Variants in PECR observed in about 807,000 individuals in gnomAD.
PECR encodes peroxisomal trans-2-enoyl-CoA reductase.
PECR carries 30 observed loss-of-function variants against 35.3 expected under a neutral mutation model. The observed-to-expected ratio is 0.85, with a 90% CI of 0.64 to 1.15. The LOEUF (loss-of-function observed/expected upper bound fraction) is 1.15, where lower values mean the gene tolerates loss of function less well. Ranked by LOEUF, PECR falls within the 50% of genes most tolerant of loss-of-function variation. PECR has a pLI of 0.00. For missense variants in PECR, 392 were observed against 370.8 expected (o/e 1.06, Z -0.47); for synonymous variants, 148 against 138.9 (o/e 1.07, Z -0.46).
intron 7 of PECR, among the ~76,000 whole-genome samples, chr2:216,043,365 C>T (rs1202050574): frequency 1.3e-5 from 2 of 152,108 alleles, no homozygotes; most frequent in Non-Finnish European, 2.9e-5. Context: ...TTGCCTCAGC[C>T]TCCCAAAGTG....
At chr2:216,031,273 G>C (rs902795854) in intron 7 of PECR, among the ~76,000 whole-genome samples, 6 of 151,970 alleles carry the variant, frequency 3.9e-5, no homozygotes, top group Admixed American at 6.6e-5. Context: ...TGGGCATGGT[G>C]GTGGGCGCCT....
intron 7 of PECR, among the ~76,000 whole-genome samples, chr2:216,043,507 C>T (rs577256459): frequency 6.0e-4 from 92 of 152,212 alleles, no homozygotes; most frequent in South Asian, 2.7e-3. Context: ...AGCACCATAG[C>T]ACCCCACCCC....
chr2:216,032,999 T>C (rs1407353428), intron 7 of PECR: 1 of 152,242 alleles, frequency 6.6e-6, no homozygotes, highest in East Asian at 1.9e-4. Flanking sequence ...CCACAATTAT[T>C]TGAATACAAA....
chr2:216,037,187 TGACAG>T (rs1367861318), downstream of PECR, among the ~76,000 whole-genome samples: 1 of 152,258 alleles, frequency 6.6e-6, no homozygotes, highest in Non-Finnish European at 1.5e-5. Flanking sequence ...AGTACATTAT[TGACAG>T]GATACTATTA....
intron 1 of PECR, among the ~76,000 whole-genome samples, chr2:216,075,389 C>T (rs1695678515): frequency 6.6e-6 from 1 of 152,130 alleles, no homozygotes; most frequent in South Asian, 2.1e-4. Flanking sequence ...CGTGTGTATA[C>T]ATGTGCACAT....
intron 1 of PECR, among the ~76,000 whole-genome samples, chr2:216,073,805 T>C (rs1313749786): frequency 2.0e-5 from 3 of 152,184 alleles, no homozygotes; most frequent in Non-Finnish European, 4.4e-5. Flanking sequence ...CTATTGACCA[T>C]ATAAACCATG....
rs186891043 is a variant in PECR at position 216,046,039 on chromosome 2, T to C, written c.715-2024A>G. On this transcript the variant is annotated intron_variant, in intron 6 of 7. Coordinates refer to ENST00000265322, the MANE Select transcript of PECR (RefSeq NM_018441.6). The stretch of plus-strand genomic sequence containing the variant: ...TAAAAATACAAAAATTAGCTGGGCA[T>C]GCTGGTGCATGACTGTTAATCCCAG... Among the ~76,000 whole-genome samples the C allele has an allele frequency of 6.1e-3, 929 of 151,264 alleles. 13 individuals carry two copies. Among genetic ancestry groups the C allele is most frequent in the African/African-American group, 0.021 (881 of 41,192 alleles).
intron 3 of PECR, among the ~76,000 whole-genome samples, chr2:216,061,616 C>T (rs1322008317): frequency 6.6e-6 from 1 of 151,826 alleles, no homozygotes; most frequent in African/African-American, 2.4e-5. Context: ...AATATAATCA[C>T]CACAAAACAA....
At chr2:216,046,310 A>ATATATATATATATTTT (rs1553560626) in intron 6 of PECR, among the ~76,000 whole-genome samples, 1 of 96,960 alleles carries the variant, frequency 1.0e-5, no homozygotes, top group African/African-American at 4.6e-5. Context: ...ATATATATAT[A>ATATATATATATATTTT]TTTTTTTTTT....
chr2:216,048,017 T>G (rs1302105598), intron 6 of PECR, among the ~76,000 whole-genome samples: 1 of 151,446 alleles, frequency 6.6e-6, no homozygotes, highest in Non-Finnish European at 1.5e-5. Flanking sequence ...GTAAGTTTAC[T>G]ACTAGTTATT....
At chr2:216,069,891 G>A (rs565859923) in intron 1 of PECR, among the ~76,000 whole-genome samples, 1 of 149,378 alleles carries the variant, frequency 6.7e-6, no homozygotes, top group South Asian at 2.1e-4. Context: ...AGCTGAGATC[G>A]TGCCATTGCA....
intron 7 of PECR, among the ~76,000 whole-genome samples, chr2:216,030,392 G>A (rs1694661756): frequency 6.6e-6 from 1 of 152,144 alleles, no homozygotes; most frequent in Non-Finnish European, 1.5e-5. Flanking sequence ...ACCTGTTCAT[G>A]CCAGTTTCCT....
intron 7 of PECR, among the ~76,000 whole-genome samples, chr2:216,041,533 T>C (rs1694886351): frequency 6.6e-6 from 1 of 152,234 alleles, no homozygotes; most frequent in Non-Finnish European, 1.5e-5. Flanking sequence ...GTGAAACATA[T>C]ATTTGGTCTT....
At position 216,049,163 on chromosome 2, in the gene PECR, G is replaced by A; in HGVS notation, c.714+100C>T. On this transcript the variant is annotated intron_variant, in intron 6 of 7. Transcript: ENST00000265322. ...AGGGGAAATGTTCTGCTGGCAGTGGGAGAAATAATGTCGTCCAGACCGCAT... is the reference window on the plus strand; with the variant it reads ...AGGGGAAATGTTCTGCTGGCAGTGGAAGAAATAATGTCGTCCAGACCGCAT... 3 of 771,606 alleles carry A rather than the reference G, an allele frequency of 3.9e-6. No individual in the cohort carries two copies. The South Asian group carries it at 4.1e-5, about 11-fold the overall frequency. 47.8% of individuals were successfully genotyped at this position (771,606 alleles called of 1,614,324 possible). A position where few individuals can be genotyped will look rare whatever the true frequency, so the allele number is the denominator to read the frequency against.
rs778214450 is a variant in PECR at position 216,039,268 on chromosome 2, CCTCAG to C, written c.*2_*6del. ...CTGGGGGATGGAGGACACCTTGTTT[CCTCAG>C]CTCAGAGCTTAGCTTTCTCCTTAAA... is the stretch of plus-strand genomic sequence containing the variant. On this transcript the variant is annotated 3_prime_UTR_variant, in exon 8 of 8. Transcript: ENST00000265322. 5 of 1,526,880 alleles carry C rather than the reference CCTCAG, an allele frequency of 3.3e-6. No homozygotes were observed. The East Asian group carries it at 1.1e-4, about 34-fold the overall frequency. The allele number at this position is 1,526,880 out of a possible 1,614,324, so 94.6% of individuals were successfully genotyped here. A position where few individuals can be genotyped will look rare whatever the true frequency, so the allele number is the denominator to read the frequency against.
intron 1 of PECR, among the ~76,000 whole-genome samples, chr2:216,067,581 G>A (rs185458127): frequency 3.3e-5 from 5 of 149,486 alleles, no homozygotes; most frequent in African/African-American, 9.9e-5. Flanking sequence ...TTTTTGAGAC[G>A]GAGTCTCACT....
In PECR at chr2:216,059,044, C is replaced by T; in HGVS notation, c.425-68G>A. Reference sequence around the variant, plus strand: ...TCCTGGCCCTCCTGATACCTTGTTTCAGCACACTGCCTGTTTGATATGTTT... The same window carrying T: ...TCCTGGCCCTCCTGATACCTTGTTTTAGCACACTGCCTGTTTGATATGTTT... On this transcript the variant is annotated intron_variant, in intron 3 of 7. Transcript: ENST00000265322. 3 of 885,196 alleles carry T rather than the reference C, an allele frequency of 3.4e-6. No individual in the cohort carries two copies. The East Asian group carries it at 7.3e-5, about 22-fold the overall frequency. The allele number at this position is 885,196 out of a possible 1,614,324, so 54.8% of individuals were successfully genotyped here.
chr2:216,064,729 A>G (rs1695429204), intron 3 of PECR, among the ~76,000 whole-genome samples: 1 of 152,216 alleles, frequency 6.6e-6, no homozygotes, highest in African/African-American at 2.4e-5. Context: ...GATACTAAGA[A>G]TATAAAGCCT....
intron 1 of PECR, among the ~76,000 whole-genome samples, chr2:216,069,934 CAAAAAA>C (rs35689726): frequency 3.9e-5 from 4 of 101,298 alleles, no homozygotes; most frequent in Admixed American, 9.5e-5. Context: ...AAGACTCTGT[CAAAAAA>C]AAAAAAAAAA....
Sources: allele counts gnomAD v4.1 joint callset (sites outside exome capture counted in the v4.1 genomes callset), GRCh38; gene constraint gnomAD v4.1.1; transcripts MANE v1.5; gene names NCBI Gene and HGNC (gene_info 2026-07-23, HGNC 2026-07-21).